Variants in AFF3 observed in about 807,000 individuals in gnomAD.
AFF3 encodes ALF transcription elongation factor 3, also known as AF4/FMR2 family member 3.
AFF3 carries 32 observed loss-of-function variants against 129.7 expected under a neutral mutation model. The ratio of observed to expected loss-of-function variants is 0.25; its 90% CI spans 0.19 to 0.33. AFF3 has a LOEUF of 0.33. Among genes scored for constraint, AFF3 ranks in the 10% least tolerant of loss-of-function variants. The probability of loss-of-function intolerance (pLI) is 1.00; values close to 1 mark genes in which losing one functional copy is unlikely to be tolerated. For synonymous variants in AFF3, 644 were observed against 635.4 expected (o/e 1.01, Z -0.20); for missense variants, 1,373 against 1,592.0 (o/e 0.86, Z 2.34).
In AFF3 at chr2:99,826,532, T is replaced by G. The variant is rs569768719; in HGVS notation, c.921+10945A>C. 3.3e-5 allele frequency among the ~76,000 whole-genome samples: 5 copies of G among 152,164 alleles called. No homozygotes were observed. In the East Asian group the frequency reaches 9.7e-4, roughly 29 times the overall value. On this transcript the variant is annotated intron_variant, in intron 8 of 24. Coordinates refer to ENST00000672756, the MANE Select transcript of AFF3 (RefSeq NM_001386135.1). ...AGGGAGTGACATCTCTAGTGAGGCTTGGAAGATATGCAGGAGTCGGTCAGC... is the reference window on the plus strand; with the variant it reads ...AGGGAGTGACATCTCTAGTGAGGCTGGGAAGATATGCAGGAGTCGGTCAGC...
intron 12 of AFF3, among the ~76,000 whole-genome samples, chr2:99,663,623 C>T (rs1342047753): frequency 6.6e-6 from 1 of 152,092 alleles, no homozygotes; most frequent in Non-Finnish European, 1.5e-5. Flanking sequence ...AGATTAGATC[C>T]AATGATTGTT....
intron 18 of AFF3, among the ~76,000 whole-genome samples, chr2:99,570,659 T>A (rs2104689196): frequency 6.6e-6 from 1 of 152,208 alleles, no homozygotes; most frequent in East Asian, 1.9e-4. Flanking sequence ...CTAAAATCAA[T>A]CTCCAGGGTC....
At chr2:99,935,967 C>T (rs1674486565) in intron 7 of AFF3, among the ~76,000 whole-genome samples, 1 of 152,104 alleles carries the variant, frequency 6.6e-6, no homozygotes, top group African/African-American at 2.4e-5. Context: ...TACTCGTCCT[C>T]AGTTAAGGGA....
intron 11 of AFF3, among the ~76,000 whole-genome samples, chr2:99,706,719 C>A (rs899073483): frequency 2.0e-5 from 3 of 152,142 alleles, no homozygotes; most frequent in Admixed American, 6.5e-5. Flanking sequence ...AAATTCCTTG[C>A]ACCATTAGGC....
rs1559457401 is a variant in AFF3, at chr2:99,547,112, T to C, written c.*4362A>G. Reference sequence around the variant, plus strand: ...GTGGGAGCTACATTTAAGCCATTTATGAAACAAAAAGATTGCTTTTCGAGA... The same window carrying C: ...GTGGGAGCTACATTTAAGCCATTTACGAAACAAAAAGATTGCTTTTCGAGA... On this transcript the variant is annotated 3_prime_UTR_variant, in exon 25 of 25. Coordinates refer to ENST00000672756, the MANE Select transcript of AFF3 (RefSeq NM_001386135.1). 1 of 219,236 alleles carries C rather than the reference T, an allele frequency of 4.6e-6. No homozygotes were observed. The highest frequency in any genetic ancestry group is 9.2e-6 in the Non-Finnish European group (1 of 109,220). The allele number at this position is 219,236 out of a possible 1,614,324, so 13.6% of individuals were successfully genotyped here. A position where few individuals can be genotyped will look rare whatever the true frequency, so the allele number is the denominator to read the frequency against.
intron 7 of AFF3, among the ~76,000 whole-genome samples, chr2:99,874,953 A>G (rs1251904362): frequency 6.6e-6 from 1 of 152,226 alleles, no homozygotes; most frequent in Non-Finnish European, 1.5e-5. Context: ...AAAATGTTTA[A>G]AATTGTGGAA....
At chr2:99,638,368 T>C (rs1683860528) in intron 13 of AFF3, among the ~76,000 whole-genome samples, 1 of 152,126 alleles carries the variant, frequency 6.6e-6, no homozygotes, top group African/African-American at 2.4e-5. Flanking sequence ...CCAGTTGTCT[T>C]TTCACTGCCT....
intron 13 of AFF3, 53 bp from the exon 14 acceptor site, chr2:99,601,674 A>C (rs1382176642): frequency 1.3e-6 from 2 of 1,554,390 alleles, no homozygotes; most frequent in African/African-American, 2.7e-5. Context: ...CCAAGTGAGC[A>C]AACAGGAAAA....
intron 8 of AFF3, among the ~76,000 whole-genome samples, chr2:99,771,547 G>A (rs1000647414): frequency 5.9e-5 from 9 of 152,254 alleles, no homozygotes; most frequent in Admixed American, 3.9e-4. Flanking sequence ...ACACATTCTA[G>A]AGATGCAAAG....
At chr2:99,565,972 T>C (rs1282996461) in intron 19 of AFF3, among the ~76,000 whole-genome samples, 1 of 152,212 alleles carries the variant, frequency 6.6e-6, no homozygotes, top group East Asian at 1.9e-4. Flanking sequence ...ATGCTAAATA[T>C]GCATCAAAGT....
chr2:99,928,993 T>C (rs1355083232), intron 7 of AFF3, among the ~76,000 whole-genome samples: 3 of 152,204 alleles, frequency 2.0e-5, no homozygotes, highest in Admixed American at 1.3e-4. Flanking sequence ...AAGGAAATAC[T>C]GTAGATTAAA....
At chr2:99,951,668 G>A (rs1553486956) in intron 7 of AFF3, among the ~76,000 whole-genome samples, 1 of 152,076 alleles carries the variant, frequency 6.6e-6, no homozygotes, top group Non-Finnish European at 1.5e-5. Context: ...ATTTTGAGAT[G>A]GAGTTTCACT....
Position 100,007,209 on chromosome 2 carries a change from C to G in AFF3, c.426G>C (p.Lys142Asn), listed in dbSNP as rs1140121. 6.2e-7 allele frequency: 1 copy of G among 1,614,174 alleles called. No individual in the cohort carries two copies. Among genetic ancestry groups the G allele is most frequent in the Non-Finnish European group, 8.5e-7 (1 of 1,180,022 alleles). The change falls in exon 6 of 25, where the codon AAG (lysine) becomes AAC (asparagine). Residue 142 changes from lysine (K) to asparagine (N), a missense_variant. By Grantham distance (94) the Lys-to-Asn change is moderately conservative. This residue lies in a region of AFF3 where 255 missense variants were observed against 256.0 expected (regional missense o/e 1.00). Coordinates refer to ENST00000672756, the MANE Select transcript of AFF3 (RefSeq NM_001386135.1). ...CCTTCTGCCAGCCCATAGTGCCTCT[C>G]TTACTCTGCTGCACGGGGACAGCTG... ...TPAAVPVQQS[K>N]RGTMGWQKAG...
chr2:99,818,829 C>T (rs1363527665), intron 8 of AFF3, among the ~76,000 whole-genome samples: 1 of 152,020 alleles, frequency 6.6e-6, no homozygotes, highest in Non-Finnish European at 1.5e-5. Context: ...AATTACTTTG[C>T]CTGGGTAATC....
At chr2:99,637,512 G>A (rs1418301767) in intron 13 of AFF3, among the ~76,000 whole-genome samples, 2 of 152,168 alleles carry the variant, frequency 1.3e-5, no homozygotes, top group African/African-American at 4.8e-5. Flanking sequence ...TGAGAATGGG[G>A]ACGACATATG....
intron 11 of AFF3, among the ~76,000 whole-genome samples, chr2:99,697,140 G>A (rs187409954): frequency 6.6e-6 from 1 of 152,324 alleles, no homozygotes; most frequent in Admixed American, 6.5e-5. Flanking sequence ...AGTCCACCTA[G>A]CTCTTGATAA....
chr2:99,872,999 G>A (rs1468749850), intron 7 of AFF3, among the ~76,000 whole-genome samples: 1 of 152,176 alleles, frequency 6.6e-6, no homozygotes, highest in African/African-American at 2.4e-5. Context: ...TCTGGGAAAA[G>A]GTCTGTCAAA....
At chr2:99,692,054 G>A (rs1675720156) in intron 11 of AFF3, among the ~76,000 whole-genome samples, 1 of 152,090 alleles carries the variant, frequency 6.6e-6, no homozygotes, top group Admixed American at 6.5e-5. Context: ...GTAGCGACTG[G>A]TGCTCAGCCT....
intron 7 of AFF3, among the ~76,000 whole-genome samples, chr2:99,952,610 G>T (rs1299705275): frequency 6.6e-6 from 1 of 152,058 alleles, no homozygotes; most frequent in Non-Finnish European, 1.5e-5. Context: ...TTATTAGAAA[G>T]ATGAATACAT....
Sources: allele counts gnomAD v4.1 joint callset (sites outside exome capture counted in the v4.1 genomes callset), GRCh38; gene constraint gnomAD v4.1.1; regional missense constraint gnomAD v4.1.1; transcripts MANE v1.5; gene names NCBI Gene and HGNC (gene_info 2026-07-23, HGNC 2026-07-21).